The following PHC3 variants were observed in gnomAD, a reference collection of about 807,000 sequenced individuals.
The protein encoded by PHC3 is polyhomeotic-like protein 3.
In PHC3, 13 loss-of-function variants were observed where a neutral mutation model predicts 107.4. That is an observed-to-expected ratio of 0.12 (90% CI 0.08 to 0.19). PHC3 has a LOEUF of 0.19. Among genes scored for constraint, PHC3 ranks in the 10% least tolerant of loss-of-function variants. The pLI, the probability that PHC3 is intolerant of heterozygous loss-of-function variation, is 1.00. For missense variants in PHC3, 992 were observed against 1,210.9 expected, an observed-to-expected ratio of 0.82 and a Z score of 2.68; for synonymous variants, 456 against 427.4, an observed-to-expected ratio of 1.07 and a Z score of -0.83.
intron 12 of PHC3, among the ~76,000 whole-genome samples, chr3:170,104,027 G>A (rs151329600): frequency 1.3e-5 from 2 of 152,134 alleles, no homozygotes; most frequent in African/African-American, 4.8e-5. Context: ...CTGTGATAGC[G>A]CCACTGCACT....
At chr3:170,178,394 G>A (rs577008939) in intron 2 of PHC3, among the ~76,000 whole-genome samples, 1 of 151,964 alleles carries the variant, frequency 6.6e-6, no homozygotes, top group African/African-American at 2.4e-5. Context: ...GCCTCCCAAA[G>A]TGCTGGGATT....
At chr3:170,174,691 T>C (rs1280208501) in intron 2 of PHC3, among the ~76,000 whole-genome samples, 1 of 152,162 alleles carries the variant, frequency 6.6e-6, no homozygotes, top group East Asian at 1.9e-4. Context: ...AGACAGCATA[T>C]TTCTGTGTGT....
Position 170,129,049 on chromosome 3 carries a change from C to A in PHC3, c.1423G>T (p.Val475Phe). The A allele has an allele frequency of 6.2e-7, 1 of 1,612,298 alleles. No individual in the cohort carries two copies. Among genetic ancestry groups the A allele is most frequent in the Non-Finnish European group, 8.5e-7 (1 of 1,179,054 alleles). ...TGCTGAACTGGGCCAATGTGTACAA[C>A]AGGGGAAGCTGGAAGTGGAAGATGG... Reference protein sequence around the residue: ...PSHLPLPASPVVHIGPVQQSA... With the variant: ...PSHLPLPASPFVHIGPVQQSA... The change falls in exon 8 of 15, where the codon GTT (valine) becomes TTT (phenylalanine). Residue 475 changes from valine to phenylalanine, a missense_variant. By Grantham distance (50) the Val-to-Phe change is conservative. This residue lies in a region of PHC3 where 543 missense variants were observed against 590.8 expected (regional missense o/e 0.92). Coordinates refer to ENST00000495893, the MANE Select transcript of PHC3 (RefSeq NM_024947.4).
At chr3:170,110,342 C>T (rs527868025) in intron 11 of PHC3, among the ~76,000 whole-genome samples, 22 of 151,926 alleles carry the variant, frequency 1.4e-4, no homozygotes, top group Non-Finnish European at 3.1e-4. Context: ...TCATACTTCC[C>T]ACTACCCCTC....
Position 170,181,682 on chromosome 3 carries a change from G to A in PHC3, c.14+20C>T. 6.2e-7 allele frequency: 1 copy of A among 1,613,402 alleles called. No homozygotes were observed. The highest frequency in any genetic ancestry group is 1.1e-5 in the South Asian group (1 of 91,074). ...CTCGCCCCCCCTAGTTACGACATCA[G>A]TCACCATCTAGTCACTCACTCCGCT... On this transcript the variant is annotated intron_variant, in intron 1 of 14. Transcript: ENST00000495893.
chr3:170,155,405 G>A (rs1726735095), intron 4 of PHC3, among the ~76,000 whole-genome samples: 2 of 152,182 alleles, frequency 1.3e-5, no homozygotes, highest in South Asian at 2.1e-4. Flanking sequence ...GTGTGTATAT[G>A]TATCACAAAT....
rs1156451254 is a variant in PHC3 at position 170,178,858 on chromosome 3, GTGGTACTGC to G, written c.86_94del (p.Ser29_Thr31del). ...GGAGGAAGTGGTGATGGTGGTGGTG[GTGGTACTGC>G]TGGTTGTTGTTGACACAGAAGATGT... On this transcript the variant is annotated inframe_deletion, in exon 2 of 15. Transcript: ENST00000495893. The G allele has an allele frequency of 1.9e-6, 3 of 1,613,964 alleles. No individual in the cohort carries two copies. The highest frequency in any genetic ancestry group is 2.5e-6 in the Non-Finnish European group (3 of 1,179,850).
intron 9 of PHC3, among the ~76,000 whole-genome samples, chr3:170,119,198 T>C (rs557591474): frequency 6.6e-6 from 1 of 152,102 alleles, no homozygotes; most frequent in Non-Finnish European, 1.5e-5. Context: ...TACATACTTC[T>C]AGGGGACAAA....
intron 4 of PHC3, among the ~76,000 whole-genome samples, chr3:170,157,251 C>T (rs1411982910): frequency 6.6e-6 from 1 of 152,152 alleles, no homozygotes; most frequent in African/African-American, 2.4e-5. Context: ...ATGCAGAATA[C>T]CTGTGTTTAC....
At chr3:170,158,922 G>A (rs1474023824) in intron 4 of PHC3, among the ~76,000 whole-genome samples, 57 of 142,016 alleles carry the variant, frequency 4.0e-4, no homozygotes, top group African/African-American at 1.4e-3. Context: ...GTGAGAACCT[G>A]TCTTGAAAAA....
rs1397117407 is a variant in PHC3, at chr3:170,088,041, C to T, written c.*9189G>A. ...CATTTTAAAACTGTAGCTATCAACA[C>T]CAATCTAGGAACTCTAATGCTAAGA... is the stretch of plus-strand genomic sequence containing the variant. On this transcript the variant is annotated 3_prime_UTR_variant, in exon 15 of 15. Transcript: ENST00000495893. The T allele has an allele frequency of 2.0e-5, 3 of 152,132 alleles. No homozygotes were observed. The highest frequency in any genetic ancestry group is 3.8e-4 in the East Asian group (2 of 5,202). 9.4% of individuals were successfully genotyped at this position (152,132 alleles called of 1,614,324 possible). A position where few individuals can be genotyped will look rare whatever the true frequency, so the allele number is the denominator to read the frequency against.
chr3:170,094,053 A>C lies in PHC3; in HGVS notation c.*3177T>G, dbSNP rs1012903931. ...TCTCTCCTCCCATTCCACCTTGTCT[A>C]CTCCTAGGTGACTGCTCTTAAAACA... On this transcript the variant is annotated 3_prime_UTR_variant, in exon 15 of 15. Transcript: ENST00000495893. 6.6e-6 allele frequency: 1 copy of C among 152,026 alleles called. No individual in the cohort carries two copies. The highest frequency in any genetic ancestry group is 2.4e-5 in the African/African-American group (1 of 41,388). The allele number at this position is 152,026 out of a possible 1,614,324, so 9.4% of individuals were successfully genotyped here. A position where few individuals can be genotyped will look rare whatever the true frequency, so the allele number is the denominator to read the frequency against.
chr3:170,136,482 T>G lies in PHC3; in HGVS notation c.856A>C (p.Ser286Arg), dbSNP rs774400672. The change falls in exon 7 of 15, where the codon AGC (serine) becomes CGC (arginine). Residue 286 changes from serine to arginine, a missense_variant. Coordinates refer to ENST00000495893, the MANE Select transcript of PHC3 (RefSeq NM_024947.4). ...PESNKKGESP[S>R]LESRSTAVTR... The stretch of plus-strand genomic sequence containing the variant: ...ACAGCTGTGCTTCGTGATTCCAGGC[T>G]TGGGCTCTCTCCTTTCTTATTACTT... The G allele has an allele frequency of 1.9e-6, 3 of 1,606,212 alleles. No individual in the cohort carries two copies. The highest frequency in any genetic ancestry group is 2.5e-6 in the Non-Finnish European group (3 of 1,176,876).
At chr3:170,102,412 T>C in intron 14 of PHC3, 67 bp downstream of exon 14, 1 of 1,554,908 alleles carries the variant, frequency 6.4e-7, no homozygotes, top group Non-Finnish European at 8.7e-7. Context: ...AAGGTGTGGA[T>C]GTATCTAACA....
intron 11 of PHC3, among the ~76,000 whole-genome samples, chr3:170,112,729 G>A (rs1430892727): frequency 6.6e-6 from 1 of 152,014 alleles, no homozygotes; most frequent in African/African-American, 2.4e-5. Flanking sequence ...TCACCATGTT[G>A]GTCAGGCTGG....
In PHC3 at chr3:170,129,022, ACTG is replaced by A; in HGVS notation, c.1447_1449del (p.Gln483del). 6.2e-7 allele frequency: 1 copy of A among 1,613,364 alleles called. No individual in the cohort carries two copies. The highest frequency in any genetic ancestry group is 8.5e-7 in the Non-Finnish European group (1 of 1,179,554). On this transcript the variant is annotated inframe_deletion, in exon 8 of 15. Transcript: ENST00000495893. Reference sequence around the variant, plus strand: ...TGCTGGCCTGGGGATACCAAGGCAGACTGCTGAACTGGGCCAATGTGTACAACA... The same window carrying A: ...TGCTGGCCTGGGGATACCAAGGCAGACTGAACTGGGCCAATGTGTACAACA...
rs556951599 is a variant in PHC3 at position 170,165,750 on chromosome 3, T to A, written c.414+5623A>T. Among the ~76,000 whole-genome samples, 270 of 104,046 alleles carry A rather than the reference T, an allele frequency of 2.6e-3. 4 individuals carry two copies. Among genetic ancestry groups the A allele is most frequent in the African/African-American group, 0.01 (257 of 24,836 alleles). 68.3% of individuals were successfully genotyped at this position (104,046 alleles called of 152,430 possible). A position where few individuals can be genotyped will look rare whatever the true frequency, so the allele number is the denominator to read the frequency against. Reference sequence around the variant, plus strand: ...GCCTGGGTGACAGAGCAAGACCTTGTCTCAAAAAAAAAAAAAAAAAAAAAA... The same window carrying A: ...GCCTGGGTGACAGAGCAAGACCTTGACTCAAAAAAAAAAAAAAAAAAAAAA... On this transcript the variant is annotated intron_variant, in intron 4 of 14. Coordinates refer to ENST00000495893, the MANE Select transcript of PHC3 (RefSeq NM_024947.4).
At chr3:170,131,260 G>A (rs937660242) in intron 7 of PHC3, among the ~76,000 whole-genome samples, 3 of 151,720 alleles carry the variant, frequency 2.0e-5, no homozygotes, top group Admixed American at 6.6e-5. Flanking sequence ...AAACTGTGTT[G>A]ATATAGACTA....
intron 2 of PHC3, among the ~76,000 whole-genome samples, chr3:170,178,153 T>TC (rs1014607611): frequency 1.3e-4 from 20 of 151,398 alleles, no homozygotes; most frequent in African/African-American, 4.8e-4. Flanking sequence ...TTTTTTTTTT[T>TC]TTTTTTTTGA....
Sources: allele counts gnomAD v4.1 joint callset (sites outside exome capture counted in the v4.1 genomes callset), GRCh38; gene constraint gnomAD v4.1.1; regional missense constraint gnomAD v4.1.1; transcripts MANE v1.5; gene names NCBI Gene and HGNC (gene_info 2026-07-23, HGNC 2026-07-21).